UBAC2: variants seen among roughly 807,000 people sequenced by gnomAD.
UBAC2 encodes ubiquitin-associated domain-containing protein 2.
A neutral mutation model predicts 44.0 loss-of-function variants in UBAC2; 26 were observed. The observed-to-expected ratio is 0.59, with a 90% confidence interval of 0.43 to 0.82. UBAC2 has a LOEUF of 0.82. UBAC2 is among the 40% of genes least tolerant of loss of function. UBAC2 has a pLI of 0.00. For synonymous variants in UBAC2, 155 were observed against 154.3 expected (o/e 1.00, Z -0.04); for missense variants, 329 against 419.4 (o/e 0.78, Z 1.88).
intron 1 of UBAC2, among the ~76,000 whole-genome samples, chr13:99,216,059 A>G (rs554792244): frequency 2.7e-5 from 4 of 150,204 alleles, no homozygotes; most frequent in Admixed American, 6.7e-5. Flanking sequence ...TAAAATGGCA[A>G]TTACTTTTGT....
intron 4 of UBAC2, among the ~76,000 whole-genome samples, chr13:99,310,929 T>C (rs1248788220): frequency 1.3e-5 from 2 of 152,238 alleles, no homozygotes; most frequent in African/African-American, 4.8e-5. Flanking sequence ...GCTCCCCAAA[T>C]AGGGTTCTAT....
chr13:99,325,143 C>T (rs1024807657), intron 6 of UBAC2, among the ~76,000 whole-genome samples: 1 of 145,276 alleles, frequency 6.9e-6, no homozygotes, highest in Non-Finnish European at 1.5e-5. Flanking sequence ...CTCACTGTCA[C>T]CCAGGCTGGA....
chr13:99,310,232 C>T (rs867619792), intron 4 of UBAC2, among the ~76,000 whole-genome samples: 5 of 152,076 alleles, frequency 3.3e-5, no homozygotes, highest in East Asian at 1.9e-4. Context: ...GAGGCTGAGG[C>T]GAGAAGATTG....
intron 6 of UBAC2, among the ~76,000 whole-genome samples, chr13:99,331,803 GAGA>G (rs1301832482): frequency 6.6e-6 from 1 of 152,218 alleles, no homozygotes; most frequent in Non-Finnish European, 1.5e-5. Context: ...ATTTTCATTG[GAGA>G]AGAAGGAATA....
In UBAC2 at chr13:99,247,301, G is replaced by A. The variant is rs977518729; in HGVS notation, c.389+2677G>A. On this transcript the variant is annotated intron_variant, in intron 4 of 8. Transcript: ENST00000403766. ...GCGATCTCGGCTCACTGCAAGCTCC[G>A]CCTCCCCGGTTCACGCCATTCTCCT... 5.3e-5 allele frequency among the ~76,000 whole-genome samples: 8 copies of A among 151,340 alleles called. No homozygotes were observed. The East Asian group carries it at 7.8e-4, about 15-fold the overall frequency.
At chr13:99,384,874 A>T (rs1298582584) in intron 8 of UBAC2, among the ~76,000 whole-genome samples, 1 of 151,980 alleles carries the variant, frequency 6.6e-6, no homozygotes, top group Non-Finnish European at 1.5e-5. Flanking sequence ...TCACCACCAT[A>T]GGGAATCAAA....
intron 2 of UBAC2, among the ~76,000 whole-genome samples, chr13:99,240,034 C>T (rs550174447): frequency 6.6e-6 from 1 of 152,266 alleles, no homozygotes; most frequent in South Asian, 2.1e-4. Flanking sequence ...GAATTTCAGA[C>T]CCTTAGGAGT....
At chr13:99,201,664 G>A (rs2042802191) in intron 1 of UBAC2, 2 of 943,206 alleles carry the variant, frequency 2.1e-6, no homozygotes, top group African/African-American at 1.5e-5. Context: ...TTAACAGTTA[G>A]GCACGGGTAC....
chr13:99,280,008 T>C (rs983756915), intron 4 of UBAC2, among the ~76,000 whole-genome samples: 2 of 152,194 alleles, frequency 1.3e-5, no homozygotes, highest in African/African-American at 4.8e-5. Flanking sequence ...ATAGAGCAAA[T>C]AGATTAATGA....
intron 6 of UBAC2, among the ~76,000 whole-genome samples, chr13:99,321,187 A>G (rs2044563225): frequency 1.3e-5 from 2 of 152,268 alleles, no homozygotes; most frequent in East Asian, 1.9e-4. Context: ...TGTATGAAAC[A>G]TGAGTAATTT....
intron 1 of UBAC2, among the ~76,000 whole-genome samples, chr13:99,204,224 G>A (rs1025120503): frequency 1.3e-5 from 2 of 152,190 alleles, no homozygotes; most frequent in African/African-American, 4.8e-5. Context: ...AAAAAAGAAC[G>A]TTTGTCCTCG....
At chr13:99,254,314 G>T (rs1164149399) in intron 4 of UBAC2, among the ~76,000 whole-genome samples, 1 of 152,220 alleles carries the variant, frequency 6.6e-6, no homozygotes, top group African/African-American at 2.4e-5. Context: ...CTCAGTGTTT[G>T]TTGAATGACT....
At chr13:99,333,106 A>G (rs1488639353) in intron 6 of UBAC2, among the ~76,000 whole-genome samples, 1 of 152,134 alleles carries the variant, frequency 6.6e-6, no homozygotes, top group Non-Finnish European at 1.5e-5. Flanking sequence ...TGGGGGGGGA[A>G]GAAAGAGAGA....
chr13:99,319,497 A>C (rs967600829), intron 6 of UBAC2, among the ~76,000 whole-genome samples: 8 of 152,122 alleles, frequency 5.3e-5, no homozygotes, highest in African/African-American at 1.7e-4. Context: ...TTCTTCCTTT[A>C]AGCTCTCTGT....
chr13:99,244,517 CT>C lies in UBAC2; in HGVS notation c.287del (p.Leu96CysfsTer69). On this transcript the variant is annotated frameshift_variant, in exon 4 of 9. Coordinates refer to ENST00000403766, the MANE Select transcript of UBAC2 (RefSeq NM_001144072.2). LOFTEE classifies it high-confidence loss of function. ...RRYGSRKFASFLLGSWVLSAL... is the reference protein window; with the variant it reads ...RRYGSRKFASXLLGSWVLSAL... ...TTTTCTGCTGTTTTATTTTGTAGTC[CT>C]TTTTGCTGGGTTCCTGGGTTTTGTC... is the stretch of plus-strand genomic sequence containing the variant. The C allele has an allele frequency of 6.2e-7, 1 of 1,610,156 alleles. No homozygotes were observed. Among genetic ancestry groups the C allele is most frequent in the Non-Finnish European group, 8.5e-7 (1 of 1,177,262 alleles).
At chr13:99,274,031 GACAC>G (rs2043851415) in intron 4 of UBAC2, among the ~76,000 whole-genome samples, 1 of 152,028 alleles carries the variant, frequency 6.6e-6, no homozygotes, top group Admixed American at 6.5e-5. Context: ...TTTACAAAGT[GACAC>G]CTTCTAAGCA....
intron 4 of UBAC2, chr13:99,255,412 G>C (rs776554722): frequency 6.2e-7 from 1 of 1,613,990 alleles, no homozygotes; most frequent in Non-Finnish European, 8.5e-7. Context: ...TAGCAGAGGG[G>C]TGGTCGTGGT....
chr13:99,341,165 A>T (rs988674403), intron 7 of UBAC2, among the ~76,000 whole-genome samples: 1 of 152,232 alleles, frequency 6.6e-6, no homozygotes, highest in Non-Finnish European at 1.5e-5. Flanking sequence ...AGTGCACATC[A>T]GGCTAAAACC....
chr13:99,230,333 G>A (rs1213428328), intron 1 of UBAC2, among the ~76,000 whole-genome samples: 3 of 152,060 alleles, frequency 2.0e-5, no homozygotes. Flanking sequence ...GGGCATGGTG[G>A]CAAGCGCCTG....
Sources: allele counts gnomAD v4.1 joint callset (sites outside exome capture counted in the v4.1 genomes callset), GRCh38; gene constraint gnomAD v4.1.1; transcripts MANE v1.5; gene names NCBI Gene and HGNC (gene_info 2026-07-23, HGNC 2026-07-21).